Variants in ZNG1F observed in about 807,000 individuals in gnomAD.
ZNG1F encodes the protein zinc-regulated GTPase metalloprotein activator 1F.
the ZNG1F span, among the ~76,000 whole-genome samples, chr9:41,139,325 G>A: frequency 7.0e-6 from 1 of 142,696 alleles, no homozygotes; most frequent in Non-Finnish European, 1.5e-5. Flanking sequence ...CGGGAGATGT[G>A]AACCATCTGT....
At chr9:41,203,252 G>A in the ZNG1F span, among the ~76,000 whole-genome samples, 3 of 152,174 alleles carry the variant, frequency 2.0e-5, no homozygotes, top group African/African-American at 4.8e-5. Context: ...GAGATACTTT[G>A]AAGCTATGTA....
At chr9:41,145,558 G>A in the ZNG1F span, 14 of 495,376 alleles carry the variant, frequency 2.8e-5, 1 homozygote, top group Non-Finnish European at 4.5e-5. Context: ...ATATACATAT[G>A]CACAGAATAA....
At chr9:41,166,471 T>A in the ZNG1F span, among the ~76,000 whole-genome samples, 5 of 106,116 alleles carry the variant, frequency 4.7e-5, no homozygotes, top group African/African-American at 1.0e-4. Flanking sequence ...TATATATATA[T>A]ATAAAATCTT....
At chr9:41,174,791 A>G in the ZNG1F span, among the ~76,000 whole-genome samples, 1 of 69,446 alleles carries the variant, frequency 1.4e-5, no homozygotes, top group Non-Finnish European at 3.1e-5. Flanking sequence ...CAAAACATAG[A>G]TAATTCCAAA....
At chr9:41,183,328 C>T in the ZNG1F span, among the ~76,000 whole-genome samples, 1 of 124,344 alleles carries the variant, frequency 8.0e-6, no homozygotes, top group Admixed American at 8.7e-5. Context: ...TTAAATAAGC[C>T]CTGACATCAA....
chr9:41,175,007 T>C, the ZNG1F span, among the ~76,000 whole-genome samples: 3 of 94,390 alleles, frequency 3.2e-5, no homozygotes, highest in Non-Finnish European at 6.7e-5. Flanking sequence ...CCCTGATTAG[T>C]ATGCCACAAC....
At chr9:41,183,462 A>G in the ZNG1F span, 12 of 1,260,132 alleles carry the variant, frequency 9.5e-6, no homozygotes, top group Non-Finnish European at 1.2e-5. Flanking sequence ...ACAATGAAGC[A>G]AACTGTGTAA....
chr9:41,200,085 CCTT>C, the ZNG1F span, among the ~76,000 whole-genome samples: 10 of 112,004 alleles, frequency 8.9e-5, no homozygotes, highest in African/African-American at 2.8e-4. Flanking sequence ...ACATTCAGCT[CCTT>C]GTTACTTATG....
the ZNG1F span, among the ~76,000 whole-genome samples, chr9:41,155,260 A>C: frequency 6.6e-6 from 1 of 150,634 alleles, no homozygotes; most frequent in African/African-American, 2.4e-5. Context: ...AAAAATGCTC[A>C]CCATCTCTGG....
chr9:41,183,714 G>C, the ZNG1F span: 1 of 1,604,306 alleles, frequency 6.2e-7, no homozygotes, highest in Non-Finnish European at 8.5e-7. Context: ...ATGTCCATTA[G>C]CCAACAAAAA....
chr9:41,169,506 T>C, the ZNG1F span, among the ~76,000 whole-genome samples: 1 of 150,072 alleles, frequency 6.7e-6, no homozygotes, highest in Non-Finnish European at 1.5e-5. Context: ...AAAATAATTT[T>C]GATACTAATT....
At chr9:41,144,337 G>A in the ZNG1F span, among the ~76,000 whole-genome samples, 5 of 58,882 alleles carry the variant, frequency 8.5e-5, no homozygotes, top group African/African-American at 1.9e-4. Context: ...AAGCTCAAAT[G>A]TGCTTCATGT....
At chr9:41,193,485 C>A in the ZNG1F span, among the ~76,000 whole-genome samples, 1 of 149,632 alleles carries the variant, frequency 6.7e-6, no homozygotes, top group East Asian at 2.0e-4. Flanking sequence ...AAACAGGTCC[C>A]AAAATAGACG....
chr9:41,132,601 A>C, the ZNG1F span: 11 of 1,267,602 alleles, frequency 8.7e-6, no homozygotes, highest in Non-Finnish European at 1.1e-5. Flanking sequence ...TCTAATGATA[A>C]AGTTAATACA....
At chr9:41,201,092 GTAT>G in the ZNG1F span, among the ~76,000 whole-genome samples, 661 of 143,738 alleles carry the variant, frequency 4.6e-3, no homozygotes, top group African/African-American at 0.016. Flanking sequence ...ATGTAAATAT[GTAT>G]TTTTTATATG....
the ZNG1F span, among the ~76,000 whole-genome samples, chr9:41,153,785 CT>C: frequency 8.3e-6 from 1 of 119,868 alleles, no homozygotes; most frequent in African/African-American, 3.2e-5. Context: ...CAGAAAAGGC[CT>C]TTGACAAAAT....
chr9:41,166,432 A>ATT, the ZNG1F span, among the ~76,000 whole-genome samples: 1 of 110,376 alleles, frequency 9.1e-6, no homozygotes, highest in East Asian at 2.5e-4. Flanking sequence ...TAATAATAAT[A>ATT]ATTATTATTA....
chr9:41,173,359 G>A, the ZNG1F span, among the ~76,000 whole-genome samples: 5 of 151,290 alleles, frequency 3.3e-5, no homozygotes, highest in Admixed American at 1.3e-4. Context: ...CCAGTTACCC[G>A]CCACATATAT....
chr9:41,132,278 G>A, the ZNG1F span: 7 of 1,604,502 alleles, frequency 4.4e-6, no homozygotes, highest in Admixed American at 1.7e-5. Context: ...CCAGCTCACT[G>A]GAGTCTCCTC....
Sources: allele counts gnomAD v4.1 joint callset (sites outside exome capture counted in the v4.1 genomes callset), GRCh38; gene constraint gnomAD v4.1.1; transcripts MANE v1.5; gene names NCBI Gene and HGNC (gene_info 2026-07-23, HGNC 2026-07-21).